Variants in ESR1 observed in about 807,000 individuals in gnomAD.
ESR1 encodes estrogen receptor.
In ESR1, 12 loss-of-function variants were observed where a neutral mutation model predicts 52.7. The ratio of observed to expected loss-of-function variants is 0.23; its 90% CI spans 0.15 to 0.37. The LOEUF (loss-of-function observed/expected upper bound fraction) is 0.37, where lower values mean the gene tolerates loss of function less well. Ranked by LOEUF, ESR1 falls within the 10% of genes least tolerant of loss-of-function variation. The pLI is 1.00. For synonymous variants in ESR1, 305 were observed against 316.8 expected (o/e 0.96, Z 0.39); for missense variants, 584 against 779.7 (o/e 0.75, Z 2.99).
At chr6:151,726,701 A>G (rs1781873757) in intron 2 of ESR1, among the ~76,000 whole-genome samples, 1 of 152,234 alleles carries the variant, frequency 6.6e-6, no homozygotes, top group African/African-American at 2.4e-5. Context: ...AGATTTTTGC[A>G]TATTGTCCAT....
chr6:152,073,152 G>T (rs1015504079), intron 6 of ESR1, among the ~76,000 whole-genome samples: 1 of 152,142 alleles, frequency 6.6e-6, no homozygotes, highest in Non-Finnish European at 1.5e-5. Context: ...CAGCCTTGAA[G>T]AGTTTCGGAA....
At chr6:151,966,322 C>G (rs948906513) in intron 4 of ESR1, among the ~76,000 whole-genome samples, 1 of 152,162 alleles carries the variant, frequency 6.6e-6, no homozygotes, top group African/African-American at 2.4e-5. Flanking sequence ...TACTTATCTT[C>G]AGAATGATGA....
intron 5 of ESR1, among the ~76,000 whole-genome samples, chr6:152,012,838 G>T (rs1026506445): frequency 2.0e-5 from 3 of 152,188 alleles, no homozygotes; most frequent in African/African-American, 7.2e-5. Flanking sequence ...CTGCCAGGCT[G>T]CCCACAGTGC....
intron 1 of ESR1, among the ~76,000 whole-genome samples, chr6:151,677,218 T>C (rs748386611): frequency 4.6e-5 from 7 of 152,130 alleles, no homozygotes; most frequent in African/African-American, 1.7e-4. Flanking sequence ...GATAGAAAAT[T>C]TGTGGTTAGA....
In ESR1 at chr6:152,098,828, T is replaced by C. The variant is rs2152506737; in HGVS notation, c.1650T>C (p.His550=). Residue 550 remains histidine, a synonymous_variant, in exon 8 of 8, where the codon CAT becomes CAC. Transcript: ENST00000206249. This position sits in a 1 kb window ranked among gnomAD's most constrained non-coding sequence, Gnocchi z 5.1. ...AGATGCTGGACGCCCACCGCCTACA[T>C]GCGCCCACTAGCCGTGGAGGGGCAT... ...LLEMLDAHRL[H]APTSRGGASV... is the part of the protein sequence containing the mutation. 6.2e-7 allele frequency: 1 copy of C among 1,614,174 alleles called. No homozygotes were observed. The highest frequency in any genetic ancestry group is 1.1e-5 in the South Asian group (1 of 91,088).
intron 6 of ESR1, among the ~76,000 whole-genome samples, chr6:152,064,619 T>A (rs1003990165): frequency 1.3e-5 from 2 of 152,200 alleles, no homozygotes; most frequent in Non-Finnish European, 2.9e-5. Context: ...ATGTTACTGT[T>A]GTGTGGGGTT....
intron 2 of ESR1, among the ~76,000 whole-genome samples, chr6:151,862,625 A>G (rs1347914297): frequency 6.6e-6 from 1 of 152,130 alleles, no homozygotes; most frequent in Non-Finnish European, 1.5e-5. Flanking sequence ...GAGAGTTACA[A>G]ATACATTTGT....
chr6:151,834,605 G>A (rs1422373901), intron 1 of ESR1, among the ~76,000 whole-genome samples: 4 of 152,064 alleles, frequency 2.6e-5, no homozygotes, highest in Admixed American at 1.3e-4. Context: ...TGTAGATGAC[G>A]GGCTGATGGG....
intron 2 of ESR1, among the ~76,000 whole-genome samples, chr6:151,768,130 C>T (rs945011170): frequency 6.6e-6 from 1 of 152,152 alleles, no homozygotes; most frequent in African/African-American, 2.4e-5. Flanking sequence ...AGTACCTCCA[C>T]ATAGGATACT....
At chr6:151,662,260 G>A (rs1777664380) in intron 1 of ESR1, among the ~76,000 whole-genome samples, 1 of 152,300 alleles carries the variant, frequency 6.6e-6, no homozygotes, top group Admixed American at 6.5e-5. Flanking sequence ...ACTTATCACA[G>A]AAGTCGAAGT....
chr6:151,859,542 A>G (rs1329774139), intron 2 of ESR1, among the ~76,000 whole-genome samples: 2 of 152,022 alleles, frequency 1.3e-5, no homozygotes, highest in Non-Finnish European at 2.9e-5. Flanking sequence ...AGACCCAGGG[A>G]CTCAGACCCT....
chr6:151,785,436 A>G (rs1289143207), intron 2 of ESR1, among the ~76,000 whole-genome samples: 2 of 152,230 alleles, frequency 1.3e-5, no homozygotes, highest in African/African-American at 2.4e-5. Flanking sequence ...GAGTAAGGGT[A>G]TACCTCTGTT....
intron 2 of ESR1, among the ~76,000 whole-genome samples, chr6:151,854,653 G>A (rs922991798): frequency 6.6e-6 from 1 of 152,182 alleles, no homozygotes; most frequent in Non-Finnish European, 1.5e-5. Context: ...GAAGTACAGA[G>A]TGAATGAGTA....
At chr6:151,903,498 C>T in intron 3 of ESR1, among the ~76,000 whole-genome samples, 1 of 152,206 alleles carries the variant, frequency 6.6e-6, no homozygotes, top group East Asian at 1.9e-4. Flanking sequence ...ACCTCACCTC[C>T]AGTTCTGATC....
chr6:151,835,238 A>G (rs1783131852), intron 1 of ESR1, among the ~76,000 whole-genome samples: 2 of 152,054 alleles, frequency 1.3e-5, no homozygotes, highest in Admixed American at 6.6e-5. Context: ...TTAATTTTGC[A>G]TGCATTGAGT....
intron 5 of ESR1, among the ~76,000 whole-genome samples, chr6:152,034,958 G>A (rs556945027): frequency 2.0e-5 from 3 of 152,270 alleles, no homozygotes; most frequent in East Asian, 1.9e-4. Flanking sequence ...AACTACGCAC[G>A]TGACAAAAAT....
At chr6:152,111,622 CTGAG>C (rs1291459590) in intron 6 of ESR1, among the ~76,000 whole-genome samples, 2 of 152,210 alleles carry the variant, frequency 1.3e-5, no homozygotes, top group African/African-American at 4.8e-5. Flanking sequence ...GAAAAGATTC[CTGAG>C]TATTTCCACA....
In ESR1 at chr6:152,122,593, C is replaced by T. The variant is rs757466963; in HGVS notation, c.851-2673C>T. On this transcript the variant is annotated intron_variant, in intron 6 of 6. Coordinates refer to the ESR1 transcript ENST00000427531. ...GAGAAGCTGAAGGGGAAGAGCTGCT[C>T]GGAGGACTCTGAACAGGAAGCCGCG... The T allele has an allele frequency of 8.7e-6, 14 of 1,614,060 alleles. No individual in the cohort carries two copies. The Middle Eastern group carries it at 4.9e-4, about 57-fold the overall frequency.
At chr6:151,850,214 A>G (rs916847138) in intron 2 of ESR1, among the ~76,000 whole-genome samples, 1 of 118,384 alleles carries the variant, frequency 8.4e-6, no homozygotes, top group African/African-American at 3.1e-5. Context: ...TTTGGAAATA[A>G]TGTCATTCCA....
Sources: gnomAD v4.1 joint callset for allele counts (sites outside exome capture counted in the v4.1 genomes callset) on GRCh38, gnomAD v4.1.1 for gene constraint, Gnocchi (gnomAD v3.1) non-coding constraint, MANE v1.5 for transcripts, NCBI Gene and HGNC (gene_info 2026-07-23, HGNC 2026-07-21) for gene names.